The following MAMLD1 variants were observed in gnomAD, a reference collection of about 807,000 sequenced individuals.
The protein encoded by MAMLD1 is mastermind like domain containing 1.
A neutral mutation model predicts 45.0 loss-of-function variants in MAMLD1; 14 were observed. The ratio of observed to expected loss-of-function variants is 0.31; its 90% CI spans 0.21 to 0.49. The LOEUF is 0.49. MAMLD1 is among the 20% of genes least tolerant of loss of function. The pLI is 0.99. For missense variants in MAMLD1, 543 were observed against 603.6 expected, an observed-to-expected ratio of 0.90 and a Z score of 1.05; for synonymous variants, 254 against 247.8, an observed-to-expected ratio of 1.02 and a Z score of -0.24.
chrX:150,398,333 AAG>A (rs1410009597), intron 1 of MAMLD1, among the ~76,000 whole-genome samples: 22 of 79,390 alleles, frequency 2.8e-4, no homozygotes, highest in African/African-American at 9.2e-4. Context: ...GAAGAAGAAG[AAG>A]AAGAAGAGGA....
chrX:150,451,318 G>A (rs1171853442), intron 2 of MAMLD1, among the ~76,000 whole-genome samples: 1 of 111,922 alleles, frequency 8.9e-6, no homozygotes, highest in African/African-American at 3.3e-5. Context: ...AGGTGGAACT[G>A]CCCCAGGAAG....
intron 1 of MAMLD1, among the ~76,000 whole-genome samples, chrX:150,415,440 C>A (rs2034225621): frequency 8.9e-6 from 1 of 112,521 alleles, no homozygotes; most frequent in Admixed American, 9.4e-5. Context: ...ACTTTGAATA[C>A]AGAATGCAAT....
At chrX:150,412,447 G>A (rs1176294501) in intron 1 of MAMLD1, among the ~76,000 whole-genome samples, 7 of 110,647 alleles carry the variant, frequency 6.3e-5, no homozygotes, top group Admixed American at 9.6e-5. Flanking sequence ...CCCTCAAGAT[G>A]GACTCTACAT....
intron 5 of MAMLD1, among the ~76,000 whole-genome samples, chrX:150,477,399 A>T (rs2036611418): frequency 8.9e-6 from 1 of 112,301 alleles, no homozygotes; most frequent in Non-Finnish European, 1.9e-5. Flanking sequence ...TCGGCTCAGC[A>T]TCCAGGCTCC....
intron 5 of MAMLD1, among the ~76,000 whole-genome samples, chrX:150,489,836 G>A (rs1367975238): frequency 1.8e-5 from 2 of 111,111 alleles, no homozygotes; most frequent in Non-Finnish European, 3.8e-5. Flanking sequence ...GATAAACAGG[G>A]AAGAGCAAGA....
At chrX:150,371,281 C>A (rs2031966567) in intron 1 of MAMLD1, among the ~76,000 whole-genome samples, 1 of 111,174 alleles carries the variant, frequency 9.0e-6, no homozygotes, top group South Asian at 3.8e-4. Flanking sequence ...TTGGGAAAGG[C>A]CATTTTCTTA....
chrX:150,434,310 C>T (rs1557404185), intron 1 of MAMLD1, among the ~76,000 whole-genome samples: 1 of 110,418 alleles, frequency 9.1e-6, no homozygotes, highest in Non-Finnish European at 1.9e-5. Flanking sequence ...CTTTATTAAT[C>T]TATCTAGTGG....
chrX:150,472,337 A>G (rs1557406609), intron 4 of MAMLD1, among the ~76,000 whole-genome samples: 1 of 112,219 alleles, frequency 8.9e-6, no homozygotes, highest in East Asian at 2.8e-4. Flanking sequence ...GCTTCGAACC[A>G]TATGCATACG....
At chrX:150,494,596 C>A (rs961474674) in intron 5 of MAMLD1, among the ~76,000 whole-genome samples, 4 of 108,994 alleles carry the variant, frequency 3.7e-5, no homozygotes, top group African/African-American at 1.3e-4. Context: ...ACCTTAGTGG[C>A]GGGGCCGGGT....
Position 150,437,141 on chromosome X carries a change from A to T in MAMLD1, c.-63-8313A>T, listed in dbSNP as rs953069039. ...CTGGACTGCTGGTCACAACACTGCA[A>T]TGGATGGTGCCAGCCAAAGCACTCC... On this transcript the variant is annotated intron_variant, in intron 1 of 7. Coordinates refer to ENST00000370401, the MANE Select transcript of MAMLD1 (RefSeq NM_005491.5). Among the ~76,000 whole-genome samples, 42 of 111,158 alleles carry T rather than the reference A, an allele frequency of 3.8e-4. 1 individual carries two copies. The highest frequency in any genetic ancestry group is 5.3e-4 in the Non-Finnish European group (28 of 53,045).
chrX:150,386,062 A>G (rs781860185), intron 1 of MAMLD1, among the ~76,000 whole-genome samples: 91 of 108,444 alleles, frequency 8.4e-4, no homozygotes, highest in East Asian at 1.7e-3. Flanking sequence ...TTAGCTCTAT[A>G]ATTTCTCCAA....
intron 2 of MAMLD1, among the ~76,000 whole-genome samples, chrX:150,450,585 G>A (rs781910645): frequency 9.0e-5 from 10 of 111,645 alleles, no homozygotes; most frequent in East Asian, 5.7e-4. Context: ...CTTTGCCTGC[G>A]TCAGGGTTTC....
intron 1 of MAMLD1, among the ~76,000 whole-genome samples, chrX:150,425,409 G>T (rs2034669566): frequency 8.9e-6 from 1 of 112,650 alleles, no homozygotes; most frequent in African/African-American, 3.2e-5. Flanking sequence ...AGCTAAAAGT[G>T]ATGTTTTAGA....
At position 150,384,465 on chromosome X, in the gene MAMLD1, G is replaced by C. The variant is rs148750840; in HGVS notation, c.-64+20935G>C. ...TGCCCATTTTTATATTGGATTATTT[G>C]TCTTTCTATTGTTGAACTGTAAGCA... On this transcript the variant is annotated intron_variant, in intron 1 of 7. Transcript: ENST00000370401. 6.6e-3 allele frequency among the ~76,000 whole-genome samples: 732 copies of C among 111,536 alleles called. 6 individuals carry two copies. The highest frequency in any genetic ancestry group is 0.023 in the African/African-American group (692 of 30,696).
At chrX:150,370,382 C>G (rs1557400956) in intron 1 of MAMLD1, among the ~76,000 whole-genome samples, 2 of 111,988 alleles carry the variant, frequency 1.8e-5, no homozygotes, top group East Asian at 5.6e-4. Context: ...CCTGAAGAGA[C>G]TGTGTTGCAA....
chrX:150,488,435 G>T (rs1422155884), intron 5 of MAMLD1, among the ~76,000 whole-genome samples: 1 of 112,715 alleles, frequency 8.9e-6, no homozygotes, highest in Admixed American at 9.3e-5. Context: ...GAATGCATCT[G>T]CAGGCAGCTT....
At chrX:150,477,625 C>A (rs2036620962) in intron 5 of MAMLD1, among the ~76,000 whole-genome samples, 1 of 111,844 alleles carries the variant, frequency 8.9e-6, no homozygotes, top group African/African-American at 3.3e-5. Flanking sequence ...GTGCCCCTGA[C>A]CGTGGGTAGG....
Position 150,503,451 on chromosome X carries a change from G to A in MAMLD1, c.2218G>A (p.Gly740Ser). Residue 740 changes from glycine (G) to serine (S), a missense_variant, in exon 6 of 8, where the codon GGC becomes AGC. By Grantham distance (56) the Gly-to-Ser change is moderately conservative. Transcript: ENST00000370401. ...CAGCACCTCAGAGGCAGCGCCCTGG[G>A]GCAGCTGGGATCCGAAGGCCTGGAG... Reference protein sequence around the residue: ...SYSTSEAAPWGSWDPKAWRQV... With the variant: ...SYSTSEAAPWSSWDPKAWRQV... The A allele has an allele frequency of 8.3e-7, 1 of 1,211,294 alleles. No homozygotes were observed. The highest frequency in any genetic ancestry group is 1.1e-6 in the Non-Finnish European group (1 of 895,094).
chrX:150,392,287 A>T (rs1351977745), intron 1 of MAMLD1, among the ~76,000 whole-genome samples: 1 of 111,800 alleles, frequency 8.9e-6, no homozygotes, highest in East Asian at 2.8e-4. Context: ...GTCTTTGCTG[A>T]TACCAGTGAT....
Sources: gnomAD v4.1 joint callset for allele counts (sites outside exome capture counted in the v4.1 genomes callset) on GRCh38, gnomAD v4.1.1 for gene constraint, MANE v1.5 for transcripts, NCBI Gene and HGNC (gene_info 2026-07-23, HGNC 2026-07-21) for gene names.